Variants in PAXBP1 observed in about 807,000 individuals in gnomAD.
PAXBP1 encodes the protein PAX3 and PAX7 binding protein 1, also known as PAX3- and PAX7-binding protein 1.
In PAXBP1, 44 loss-of-function variants were observed where a neutral mutation model predicts 119.9. The ratio of observed to expected loss-of-function variants is 0.37; its 90% CI spans 0.29 to 0.47. The LOEUF (loss-of-function observed/expected upper bound fraction) is 0.47. Ranked by LOEUF, PAXBP1 falls within the 20% of genes least tolerant of loss-of-function variation. The pLI is 0.99. For synonymous variants in PAXBP1, 393 were observed against 406.6 expected, an observed-to-expected ratio of 0.97 and a Z score of 0.40; for missense variants, 898 against 1,134.1, an observed-to-expected ratio of 0.79 and a Z score of 2.99.
intron 15 of PAXBP1, among the ~76,000 whole-genome samples, chr21:32,739,442 T>A (rs578261086): frequency 6.6e-6 from 1 of 152,144 alleles, no homozygotes; most frequent in South Asian, 2.1e-4. Flanking sequence ...AGATAATCTA[T>A]GTAAAAGGTG....
chr21:32,749,257 C>T (rs1344361835), intron 10 of PAXBP1, among the ~76,000 whole-genome samples: 2 of 150,620 alleles, frequency 1.3e-5, no homozygotes, highest in African/African-American at 2.4e-5. Context: ...TGAAGTGGTG[C>T]GATCTCAGCT....
At chr21:32,758,769 G>A (rs947163387) in intron 7 of PAXBP1, among the ~76,000 whole-genome samples, 1 of 151,804 alleles carries the variant, frequency 6.6e-6, no homozygotes, top group East Asian at 1.9e-4. Flanking sequence ...TATCAGATGA[G>A]TCCCTTATAT....
Position 32,749,720 on chromosome 21 carries a change from T to G in PAXBP1, c.1724-1022A>C, listed in dbSNP as rs183311113. On this transcript the variant is annotated intron_variant, in intron 10 of 17. Coordinates refer to ENST00000331923, the MANE Select transcript of PAXBP1 (RefSeq NM_016631.4). The stretch of plus-strand genomic sequence containing the variant: ...AGTTTAACTTAAATCTAATTAAGCC[T>G]TCAGACCTAAATTCCAGTTTACAAG... Among the ~76,000 whole-genome samples the G allele has an allele frequency of 5.1e-3, 773 of 152,244 alleles. 6 individuals carry two copies. Among genetic ancestry groups the G allele is most frequent in the African/African-American group, 0.017 (726 of 41,520 alleles).
intron 1 of PAXBP1, among the ~76,000 whole-genome samples, chr21:32,770,584 T>C (rs910331193): frequency 2.0e-5 from 3 of 152,218 alleles, no homozygotes; most frequent in African/African-American, 7.2e-5. Context: ...TTTCGTAACA[T>C]GGAATTAACT....
chr21:32,740,442 CT>C (rs1408868315), intron 15 of PAXBP1, among the ~76,000 whole-genome samples: 2 of 152,174 alleles, frequency 1.3e-5, no homozygotes, highest in Non-Finnish European at 2.9e-5. Context: ...GCAAAATAAA[CT>C]TTCTAAATTA....
chr21:32,743,945 C>CAA (rs2043828545), intron 13 of PAXBP1, among the ~76,000 whole-genome samples, 191 bp from the exon 14 acceptor site: 1 of 152,064 alleles, frequency 6.6e-6, no homozygotes, highest in African/African-American at 2.4e-5. Context: ...AACTGCCAAG[C>CAA]AATAAAGCTT....
Position 32,737,321 on chromosome 21 carries a change from C to T in PAXBP1, c.2569G>A (p.Val857Ile), listed in dbSNP as rs770259842. 7.5e-6 allele frequency: 12 copies of T among 1,609,342 alleles called. No individual in the cohort carries two copies. The highest frequency in any genetic ancestry group is 1.0e-5 in the Non-Finnish European group (12 of 1,177,734). Residue 857 changes from valine (V) to isoleucine (I), a missense_variant, in exon 17 of 18, where the codon GTA (valine) becomes ATA (isoleucine). By Grantham distance (29) the Val-to-Ile change is conservative. Around this residue, in one of 2 missense-constraint regions of PAXBP1, gnomAD observed 599 missense variants for 852.7 expected, o/e 0.70. Transcript: ENST00000331923. ...CTATAAATTGTATCCGCTAAGTGTA[C>T]AAGGTATCGGCAAAAGTTTTCTAAC... ...SQLENFCRYL[V>I]HLADTIYRNS... is the part of the protein sequence containing the mutation.
chr21:32,741,465 A>G, intron 15 of PAXBP1: 1 of 737,784 alleles, frequency 1.4e-6, no homozygotes, highest in Non-Finnish European at 2.5e-6. Context: ...AAATATGTAC[A>G]GGCATGCAGA....
At chr21:32,753,593 T>C (rs538824640) in intron 8 of PAXBP1, among the ~76,000 whole-genome samples, 45 of 152,342 alleles carry the variant, frequency 3.0e-4, no homozygotes, top group Admixed American at 1.6e-3. Context: ...CTTATAAATC[T>C]AAACAGAAGA....
chr21:32,735,590 T>C (rs530393364), intron 17 of PAXBP1, among the ~76,000 whole-genome samples: 5 of 152,336 alleles, frequency 3.3e-5, no homozygotes, highest in Admixed American at 3.3e-4. Flanking sequence ...GCTTTCTTAC[T>C]AGGAAGTAAT....
rs756477858 is a variant in PAXBP1 at position 32,739,938 on chromosome 21, T to TAAAA, written c.2335-1623_2335-1620dup. Among the ~76,000 whole-genome samples, 463 of 46,982 alleles carry TAAAA rather than the reference T, an allele frequency of 9.9e-3. 41 individuals carry two copies. Among genetic ancestry groups the TAAAA allele is most frequent in the Middle Eastern group, 0.022 (1 of 46 alleles). 30.8% of individuals were successfully genotyped at this position (46,982 alleles called of 152,430 possible). A position where few individuals can be genotyped will look rare whatever the true frequency, so the allele number is the denominator to read the frequency against. On this transcript the variant is annotated intron_variant, in intron 15 of 17. Coordinates refer to ENST00000331923, the MANE Select transcript of PAXBP1 (RefSeq NM_016631.4). ...TAGGCAACACAAGACCTCGTCTCTT[T>TAAAA]AAAAAAAAAAAAAAAAAAAAAAAAA...
At chr21:32,759,008 G>T in intron 7 of PAXBP1, 72 bp downstream of exon 7, 1 of 1,416,674 alleles carries the variant, frequency 7.1e-7, no homozygotes, top group Non-Finnish European at 9.7e-7. Context: ...ATTATAGAAT[G>T]TTCTACACAA....
rs370211158 is a variant in PAXBP1 at position 32,733,958 on chromosome 21, C to T, written c.*992G>A. 2 of 152,532 alleles carry T rather than the reference C, an allele frequency of 1.3e-5. No homozygotes were observed. Among genetic ancestry groups the T allele is most frequent in the Non-Finnish European group, 2.9e-5 (2 of 68,022 alleles). The allele number at this position is 152,532 out of a possible 1,614,324, so 9.4% of individuals were successfully genotyped here. The stretch of plus-strand genomic sequence containing the variant: ...CTTAATTACATATATAATTATCAAA[C>T]GATAGTCCTTAATTTCCAAAAAAAT... On this transcript the variant is annotated 3_prime_UTR_variant, in exon 18 of 18. Coordinates refer to ENST00000331923, the MANE Select transcript of PAXBP1 (RefSeq NM_016631.4).
chr21:32,745,112 G>A (rs1312923147), intron 12 of PAXBP1, among the ~76,000 whole-genome samples, 199 bp from the exon 13 acceptor site: 1 of 152,086 alleles, frequency 6.6e-6, no homozygotes, highest in African/African-American at 2.4e-5. Flanking sequence ...TCTTATTTCT[G>A]GTACTCAGGG....
Position 32,771,723 on chromosome 21 carries a change from C to T in PAXBP1, c.-55G>A. On this transcript the variant is annotated 5_prime_UTR_variant, in exon 1 of 18. Transcript: ENST00000331923. ...CGCTTCCACACCGCGGCCCCGGCAG[C>T]GCCGAGCTCGTGACGGCGCACGCGC... The T allele has an allele frequency of 7.6e-7, 1 of 1,322,536 alleles. No individual in the cohort carries two copies. The highest frequency in any genetic ancestry group is 9.7e-7 in the Non-Finnish European group (1 of 1,031,996). The allele number at this position is 1,322,536 out of a possible 1,614,324, so 81.9% of individuals were successfully genotyped here.
At chr21:32,760,887 CTGTGTGCGTGCGTGCGTGTGTGTGTG>C (rs1395073720) in intron 5 of PAXBP1, among the ~76,000 whole-genome samples, 146 bp downstream of exon 5, 1 of 137,810 alleles carries the variant, frequency 7.3e-6, no homozygotes, top group Non-Finnish European at 1.6e-5. Flanking sequence ...CTACGTGTCT[CTGTGTGCGTGCGTGCGTGTGTGTGTG>C]TGTGTGTGTG....
intron 8 of PAXBP1, chr21:32,751,760 G>A (rs1394978329): frequency 2.0e-5 from 3 of 152,466 alleles, no homozygotes; most frequent in Middle Eastern, 3.4e-3. Context: ...ATCTGAGCAG[G>A]ACCAACTTCC....
At chr21:32,760,054 T>C in intron 5 of PAXBP1, 60 bp from the exon 6 acceptor site, 2 of 1,360,640 alleles carry the variant, frequency 1.5e-6, no homozygotes, top group Non-Finnish European at 2.0e-6. Flanking sequence ...AATAATAATA[T>C]GCCTTTAGGG....
At chr21:32,737,899 ACTT>A (rs1025519632) in intron 16 of PAXBP1, among the ~76,000 whole-genome samples, 1 of 152,184 alleles carries the variant, frequency 6.6e-6, no homozygotes, top group African/African-American at 2.4e-5. Flanking sequence ...TGAAATCAAA[ACTT>A]TTATTTATAC....
Sources: allele counts gnomAD v4.1 joint callset (sites outside exome capture counted in the v4.1 genomes callset), GRCh38; gene constraint gnomAD v4.1.1; regional missense constraint gnomAD v4.1.1; transcripts MANE v1.5; gene names NCBI Gene and HGNC (gene_info 2026-07-23, HGNC 2026-07-21).